CHD7: variants seen among roughly 807,000 people sequenced by gnomAD.
CHD7 encodes the protein ATP-dependent chromatin remodeler CHD7.
Under a neutral mutation model 307.3 loss-of-function variants are expected in CHD7, and 24 were observed. The ratio of observed to expected loss-of-function variants is 0.08; its 90% CI spans 0.06 to 0.11. The LOEUF (loss-of-function observed/expected upper bound fraction) is 0.11. CHD7 is among the 10% of genes least tolerant of loss of function. The pLI is 1.00. For missense variants in CHD7, 3,106 were observed against 3,727.1 expected, an observed-to-expected ratio of 0.83 and a Z score of 4.34; for synonymous variants, 1,363 against 1,349.9, an observed-to-expected ratio of 1.01 and a Z score of -0.21.
At chr8:60,734,489 A>G (rs10808713) in intron 1 of CHD7, among the ~76,000 whole-genome samples, 117,782 of 152,060 alleles carry the variant, frequency 0.77, 45,899 homozygotes, top group East Asian at 0.94. Flanking sequence ...TACTGCTAGC[A>G]AGGGCTTTGA....
chr8:60,779,730 C>T (rs957325325), intron 2 of CHD7, among the ~76,000 whole-genome samples: 2 of 152,138 alleles, frequency 1.3e-5, no homozygotes, highest in African/African-American at 4.8e-5. Context: ...GGCCTGGGCT[C>T]GTCTGCCTGC....
intron 1 of CHD7, among the ~76,000 whole-genome samples, chr8:60,714,840 C>T (rs1233463134): frequency 6.6e-6 from 1 of 152,242 alleles, no homozygotes; most frequent in Non-Finnish European, 1.5e-5. Flanking sequence ...CAGGTCTGCC[C>T]AGGGGAAAAG....
At chr8:60,758,250 C>T (rs1237005674) in intron 2 of CHD7, among the ~76,000 whole-genome samples, 1 of 152,046 alleles carries the variant, frequency 6.6e-6, no homozygotes, top group African/African-American at 2.4e-5. Flanking sequence ...ATCCTCCTAC[C>T]TCAGCCTCCT....
intron 1 of CHD7, among the ~76,000 whole-genome samples, chr8:60,690,865 C>T (rs1806159669): frequency 6.6e-6 from 1 of 152,204 alleles, no homozygotes; most frequent in African/African-American, 2.4e-5. Flanking sequence ...CGCCGACTCC[C>T]TGTCATTTTC....
At position 60,823,848 on chromosome 8, in the gene CHD7, G is replaced by A. The variant is rs771209386; in HGVS notation, c.3210G>A (p.Val1070=). Residue 1070 remains valine (V), a synonymous_variant, in exon 13 of 38, where the codon GTG becomes GTA. Transcript: ENST00000423902. The part of the protein sequence containing the change: ...EMYFKDPQGR[V]IKGSYKFHAI... Reference sequence around the variant, plus strand: ...CAGAGTTGTTCTTATAGGGTCGAGTGATAAAGGGGTCCTATAAGTTTCATG... The same window carrying A: ...CAGAGTTGTTCTTATAGGGTCGAGTAATAAAGGGGTCCTATAAGTTTCATG... 2 of 1,613,308 alleles carry A rather than the reference G, an allele frequency of 1.2e-6. No homozygotes were observed. The highest frequency in any genetic ancestry group is 1.7e-6 in the Non-Finnish European group (2 of 1,179,306).
chr8:60,753,858 C>T (rs556290642), intron 2 of CHD7, among the ~76,000 whole-genome samples: 24 of 151,908 alleles, frequency 1.6e-4, no homozygotes, highest in Admixed American at 9.2e-4. Flanking sequence ...CTCCTTTCCT[C>T]GGGTGATCCA....
At chr8:60,820,209 G>T in intron 9 of CHD7, 119 bp downstream of exon 9, 2 of 484,976 alleles carry the variant, frequency 4.1e-6, no homozygotes, top group Non-Finnish European at 3.7e-6. Flanking sequence ...TGACACACTT[G>T]GTCTAAATTT....
chr8:60,778,030 A>T (rs1811032397), intron 2 of CHD7, among the ~76,000 whole-genome samples: 1 of 142,862 alleles, frequency 7.0e-6, no homozygotes, highest in Non-Finnish European at 1.5e-5. Context: ...GTGGGAATTG[A>T]TGGGAAAATG....
intron 3 of CHD7, among the ~76,000 whole-genome samples, chr8:60,790,044 C>T (rs1811695422): frequency 6.6e-6 from 1 of 152,250 alleles, no homozygotes; most frequent in Non-Finnish European, 1.5e-5. Flanking sequence ...ACCCAATTCT[C>T]ATCATGAAAT....
intron 1 of CHD7, among the ~76,000 whole-genome samples, chr8:60,700,675 C>T (rs945789580): frequency 1.3e-5 from 2 of 152,298 alleles, no homozygotes; most frequent in South Asian, 2.1e-4. Flanking sequence ...TTTCTAATGC[C>T]AGGTCTGCTG....
intron 4 of CHD7, among the ~76,000 whole-genome samples, chr8:60,800,135 A>G (rs1483982225): frequency 6.6e-6 from 1 of 151,550 alleles, no homozygotes; most frequent in Non-Finnish European, 1.5e-5. Context: ...GGTTCGCGCC[A>G]TTCTCCTGCC....
chr8:60,850,919 A>T lies in CHD7; in HGVS notation c.5535-113A>T, dbSNP rs540582820. 1.1e-5 allele frequency: 9 copies of T among 783,030 alleles called. No homozygotes were observed. The East Asian group carries it at 1.9e-4, about 16-fold the overall frequency. 48.5% of individuals were successfully genotyped at this position (783,030 alleles called of 1,614,324 possible). A position where few individuals can be genotyped will look rare whatever the true frequency, so the allele number is the denominator to read the frequency against. On this transcript the variant is annotated intron_variant, in intron 26 of 37. Transcript: ENST00000423902. ...TACTGATAGAGTTGCTTTTGATGTC[A>T]AACCCATAATTAAAAGTAGCACTGG...
chr8:60,741,314 T>C lies in CHD7; in HGVS notation c.-119T>C, dbSNP rs2150577039. ...AGGGTCCAAGAGAATTAAAGAAATA[T>C]GGAATGACATGAAGAAGATTAGTTA... On this transcript the variant is annotated 5_prime_UTR_variant, in exon 2 of 38. An upstream start codon of the reference 5' UTR is lost. Coordinates refer to ENST00000423902, the MANE Select transcript of CHD7 (RefSeq NM_017780.4). 2.7e-6 allele frequency: 2 copies of C among 749,690 alleles called. No individual in the cohort carries two copies. The highest frequency in any genetic ancestry group is 4.4e-6 in the Non-Finnish European group (2 of 459,546). 46.4% of individuals were successfully genotyped at this position (749,690 alleles called of 1,614,324 possible). A position where few individuals can be genotyped will look rare whatever the true frequency, so the allele number is the denominator to read the frequency against.
At chr8:60,817,971 C>T (rs1472464442) in intron 8 of CHD7, among the ~76,000 whole-genome samples, 2 of 152,170 alleles carry the variant, frequency 1.3e-5, no homozygotes, top group Non-Finnish European at 2.9e-5. Context: ...TGTAGTCACA[C>T]TGTCTTTAGG....
chr8:60,704,216 A>C (rs1164075625), intron 1 of CHD7, among the ~76,000 whole-genome samples: 2 of 152,218 alleles, frequency 1.3e-5, no homozygotes, highest in East Asian at 3.8e-4. Context: ...AATCCAAAAA[A>C]GTATTCATGT....
chr8:60,823,925 A>G lies in CHD7; in HGVS notation c.3287A>G (p.Asn1096Ser). 6.2e-7 allele frequency: 1 copy of G among 1,613,934 alleles called. No homozygotes were observed. Among genetic ancestry groups the G allele is most frequent in the Admixed American group, 1.7e-5 (1 of 60,004 alleles). Reference protein sequence around the residue: ...MILTDCPELRNIPWRCVVIDE... With the variant: ...MILTDCPELRSIPWRCVVIDE... ...TTGACTGATTGTCCTGAGCTGCGGAATATTCCATGGCGCTGTGTAGTCATT... is the reference window on the plus strand; with the variant it reads ...TTGACTGATTGTCCTGAGCTGCGGAGTATTCCATGGCGCTGTGTAGTCATT... The change falls in exon 13 of 38, where the codon AAT (asparagine) becomes AGT (serine). Residue 1096 changes from asparagine to serine, a missense_variant. Around this residue, in one of 10 missense-constraint regions of CHD7, gnomAD observed 232 missense variants for 422.5 expected, o/e 0.55. Coordinates refer to ENST00000423902, the MANE Select transcript of CHD7 (RefSeq NM_017780.4).
intron 3 of CHD7, among the ~76,000 whole-genome samples, chr8:60,794,409 C>G (rs1586339653): frequency 6.6e-6 from 1 of 151,910 alleles, no homozygotes; most frequent in African/African-American, 2.4e-5. Flanking sequence ...ACACGTAGCA[C>G]CAAAATAAAG....
In CHD7 at chr8:60,774,740, G is replaced by A. The variant is rs193151808; in HGVS notation, c.1666-6260G>A. 5.9e-5 allele frequency among the ~76,000 whole-genome samples: 9 copies of A among 152,348 alleles called. No individual in the cohort carries two copies. The East Asian group carries it at 1.7e-3, about 29-fold the overall frequency. The stretch of plus-strand genomic sequence containing the variant: ...GCAAACACCTTGCTCTCCTCCACTT[G>A]CGGGGAGCTTTGTTTCATTTAGAAT... On this transcript the variant is annotated intron_variant, in intron 2 of 37. Transcript: ENST00000423902.
intron 2 of CHD7, among the ~76,000 whole-genome samples, chr8:60,761,368 G>A (rs1226635126): frequency 6.7e-6 from 1 of 149,930 alleles, no homozygotes; most frequent in Non-Finnish European, 1.5e-5. Flanking sequence ...GGGAGGGATA[G>A]CACTGGGAGA....
Sources: gnomAD v4.1 joint callset for allele counts (sites outside exome capture counted in the v4.1 genomes callset) on GRCh38, gnomAD v4.1.1 for gene constraint, gnomAD v4.1.1 regional missense constraint, MANE v1.5 for transcripts, NCBI Gene and HGNC (gene_info 2026-07-23, HGNC 2026-07-21) for gene names.